The following ZFHX3 variants were observed in gnomAD, a reference collection of about 807,000 sequenced individuals.
ZFHX3 encodes the protein zinc finger homeobox protein 3.
ZFHX3 carries 42 observed loss-of-function variants against 279.1 expected under a neutral mutation model. The observed-to-expected ratio is 0.15, with a 90% CI of 0.12 to 0.19. The LOEUF (loss-of-function observed/expected upper bound fraction) is 0.19. Among genes scored for constraint, ZFHX3 ranks in the 10% least tolerant of loss-of-function variants. The pLI is 1.00. For synonymous variants in ZFHX3, 2,293 were observed against 1,957.8 expected (o/e 1.17, Z -4.52); for missense variants, 4,981 against 4,754.0 (o/e 1.05, Z -1.40).
In ZFHX3 at chr16:72,959,781, T is replaced by C; in HGVS notation, c.365A>G (p.Glu122Gly). The C allele has an allele frequency of 1.2e-6, 2 of 1,603,790 alleles. No individual in the cohort carries two copies. Among genetic ancestry groups the C allele is most frequent in the East Asian group, 2.2e-5 (1 of 44,686 alleles). The part of the protein sequence containing the change: ...SASDTGEEGD[E>G]ESDVENLAGE... ...GGCCAGGTTCTCCACGTCACTCTCC[T>C]CGTCCCCCTCCTCACCGGTGTCGCT... Residue 122 changes from glutamate (E) to glycine (G), a missense_variant, in exon 2 of 10, where the codon GAG (glutamate) becomes GGG (glycine). Glu to Gly is a moderately conservative substitution (Grantham distance 98, BLOSUM62 -2). Transcript: ENST00000268489.
At chr16:73,750,096 C>T (rs573591556) in intron 1 of ZFHX3, among the ~76,000 whole-genome samples, 1 of 152,264 alleles carries the variant, frequency 6.6e-6, no homozygotes, top group South Asian at 2.1e-4. Context: ...ATGCACCTTA[C>T]CTCTGAGATG....
chr16:73,174,613 T>C (rs998007776), intron 5 of ZFHX3, among the ~76,000 whole-genome samples: 4 of 152,012 alleles, frequency 2.6e-5, no homozygotes, highest in Non-Finnish European at 4.4e-5. Context: ...CCTGGCCCAG[T>C]CACATCTCCT....
At chr16:73,273,621 G>T (rs750914459) in intron 4 of ZFHX3, among the ~76,000 whole-genome samples, 1 of 151,896 alleles carries the variant, frequency 6.6e-6, no homozygotes, top group Non-Finnish European at 1.5e-5. Flanking sequence ...AGATGTTTCC[G>T]CATCAGTTTT....
At chr16:72,973,242 T>A (rs1962186561) in intron 1 of ZFHX3, 1 of 152,224 alleles carries the variant, frequency 6.6e-6, no homozygotes, top group African/African-American at 2.4e-5. Context: ...TTTGGTGCCA[T>A]CTTTGCAGAA....
intron 4 of ZFHX3, among the ~76,000 whole-genome samples, chr16:73,268,367 G>A (rs1376411180): frequency 6.6e-6 from 1 of 152,200 alleles, no homozygotes; most frequent in East Asian, 1.9e-4. Flanking sequence ...AATGCTGAGT[G>A]CATTGCAGGG....
At chr16:73,178,947 A>G (rs1967727547) in intron 5 of ZFHX3, among the ~76,000 whole-genome samples, 1 of 152,202 alleles carries the variant, frequency 6.6e-6, no homozygotes, top group Non-Finnish European at 1.5e-5. Context: ...TAGTCACTAC[A>G]GGGGATACAA....
chr16:73,170,223 G>GTT (rs1156523996), intron 5 of ZFHX3, among the ~76,000 whole-genome samples: 1,257 of 57,732 alleles, frequency 0.022, 198 homozygotes, highest in Non-Finnish European at 0.023. Context: ...CCTTTCACTA[G>GTT]TTTTTTTTTT....
At chr16:73,026,685 A>AAAAAAAAAAAC (rs1964519331) in intron 1 of ZFHX3, among the ~76,000 whole-genome samples, 3 of 151,670 alleles carry the variant, frequency 2.0e-5, no homozygotes, top group Non-Finnish European at 4.4e-5. Flanking sequence ...AAAAAAAAAA[A>AAAAAAAAAAAC]AAAAAAAAAA....
intron 1 of ZFHX3, among the ~76,000 whole-genome samples, chr16:72,974,074 C>A (rs990171186): frequency 1.3e-5 from 2 of 152,326 alleles, no homozygotes; most frequent in African/African-American, 2.4e-5. Context: ...TAAGTGCTAT[C>A]ATTCAAGGCT....
intron 3 of ZFHX3, among the ~76,000 whole-genome samples, chr16:72,898,186 G>C (rs893200918): frequency 3.3e-5 from 5 of 152,118 alleles, no homozygotes; most frequent in African/African-American, 2.4e-5. Flanking sequence ...TCTCGTCCTT[G>C]ACGCATGCTA....
intron 5 of ZFHX3, among the ~76,000 whole-genome samples, chr16:73,161,363 C>A (rs1365271027): frequency 6.6e-6 from 1 of 152,194 alleles, no homozygotes; most frequent in Non-Finnish European, 1.5e-5. Context: ...CTTTGCTCTT[C>A]TGAATTCTTA....
chr16:72,809,712 G>A (rs1368040070), intron 7 of ZFHX3: 1 of 152,188 alleles, frequency 6.6e-6, no homozygotes, highest in Non-Finnish European at 1.5e-5. Context: ...GAGGTGATAT[G>A]TCTGTGACCT....
intron 1 of ZFHX3, among the ~76,000 whole-genome samples, chr16:73,854,069 G>A (rs565622632): frequency 6.6e-6 from 1 of 152,318 alleles, no homozygotes; most frequent in South Asian, 2.1e-4. Context: ...TTGCTTGCGA[G>A]TAGAGTCAAA....
At chr16:73,749,041 A>G (rs1253060222) in intron 1 of ZFHX3, among the ~76,000 whole-genome samples, 3 of 151,454 alleles carry the variant, frequency 2.0e-5, no homozygotes, top group Non-Finnish European at 4.4e-5. Context: ...GCCCACCTCA[A>G]CCTCCCAAAG....
At chr16:72,960,634 C>T (rs917110517) in intron 1 of ZFHX3, among the ~76,000 whole-genome samples, 28 of 152,184 alleles carry the variant, frequency 1.8e-4, no homozygotes, top group African/African-American at 6.3e-4. Flanking sequence ...CGCGCACTGT[C>T]TGTGGGTCAG....
At chr16:73,457,940 A>T (rs2018401949) in intron 2 of ZFHX3, among the ~76,000 whole-genome samples, 1 of 152,132 alleles carries the variant, frequency 6.6e-6, no homozygotes, top group Non-Finnish European at 1.5e-5. Flanking sequence ...TGGAGACACT[A>T]GCTAGCTAAA....
chr16:73,571,840 A>G (rs2051740335), intron 2 of ZFHX3, among the ~76,000 whole-genome samples: 1 of 152,334 alleles, frequency 6.6e-6, no homozygotes, highest in Admixed American at 6.5e-5. Context: ...GTAGAAGGGC[A>G]TTCCAATAAC....
chr16:73,614,498 A>G (rs952113571), intron 2 of ZFHX3, among the ~76,000 whole-genome samples: 2 of 152,208 alleles, frequency 1.3e-5, no homozygotes, highest in African/African-American at 4.8e-5. Context: ...TAAAAAATGA[A>G]AAGATTCCAC....
chr16:73,762,205 T>G (rs1209563011), intron 1 of ZFHX3, among the ~76,000 whole-genome samples: 1 of 150,904 alleles, frequency 6.6e-6, no homozygotes, highest in Admixed American at 6.6e-5. Context: ...AAGAAGATAT[T>G]TATGTGGCCA....
Sources: gnomAD v4.1 joint callset for allele counts (sites outside exome capture counted in the v4.1 genomes callset) on GRCh38, gnomAD v4.1.1 for gene constraint, MANE v1.5 for transcripts, NCBI Gene and HGNC (gene_info 2026-07-23, HGNC 2026-07-21) for gene names.